The following AKAP13 variants were observed in gnomAD, a reference collection of about 807,000 sequenced individuals.
AKAP13 encodes A-kinase anchoring protein 13.
In AKAP13, 80 loss-of-function variants were observed where a neutral mutation model predicts 264.5. The observed-to-expected ratio is 0.30, with a 90% CI of 0.25 to 0.36. The LOEUF (loss-of-function observed/expected upper bound fraction) is 0.36. Ranked by LOEUF, AKAP13 falls within the 10% of genes least tolerant of loss-of-function variation. The pLI is 1.00. For missense variants in AKAP13, 3,712 were observed against 3,435.2 expected (o/e 1.08, Z -2.01); for synonymous variants, 1,380 against 1,250.2 (o/e 1.10, Z -2.19).
chr15:85,671,559 G>A (rs776852592), intron 14 of AKAP13, among the ~76,000 whole-genome samples: 5 of 151,108 alleles, frequency 3.3e-5, no homozygotes, highest in Non-Finnish European at 7.4e-5. Context: ...GACAAAAGGT[G>A]TCTAACGGAG....
chr15:85,561,592 A>G (rs993742025), intron 5 of AKAP13, among the ~76,000 whole-genome samples: 1 of 152,204 alleles, frequency 6.6e-6, no homozygotes, highest in African/African-American at 2.4e-5. Context: ...ATTTTTACTA[A>G]TCTTGTGAAT....
At chr15:85,647,604 A>G (rs1300706907) in intron 10 of AKAP13, among the ~76,000 whole-genome samples, 1 of 151,906 alleles carries the variant, frequency 6.6e-6, no homozygotes, top group Non-Finnish European at 1.5e-5. Flanking sequence ...AAGGATTTCT[A>G]TCATTGTCAC....
chr15:85,691,925 G>A, intron 16 of AKAP13: 1 of 467,462 alleles, frequency 2.1e-6, no homozygotes, highest in South Asian at 1.5e-5. Flanking sequence ...TGCTTTTCCT[G>A]CCTTCCTGCA....
chr15:85,412,635 C>G (rs764177324), intron 1 of AKAP13, among the ~76,000 whole-genome samples: 24 of 152,098 alleles, frequency 1.6e-4, no homozygotes, highest in Non-Finnish European at 2.9e-4. Flanking sequence ...AACAAAAGCT[C>G]TTTGGGATTC....
intron 14 of AKAP13, among the ~76,000 whole-genome samples, chr15:85,673,282 G>T (rs561459188): frequency 9.2e-5 from 14 of 152,296 alleles, no homozygotes; most frequent in African/African-American, 2.6e-4. Flanking sequence ...TCACTTTCTG[G>T]GGTGGAGAGT....
At chr15:85,685,806 T>G (rs1273604999) in intron 16 of AKAP13, among the ~76,000 whole-genome samples, 1 of 152,178 alleles carries the variant, frequency 6.6e-6, no homozygotes, top group East Asian at 1.9e-4. Context: ...TTTTATCTAA[T>G]TATTTTTCAC....
chr15:85,593,933 G>A (rs1037696550), intron 8 of AKAP13, among the ~76,000 whole-genome samples: 5 of 152,086 alleles, frequency 3.3e-5, no homozygotes, highest in Non-Finnish European at 5.9e-5. Context: ...TTTATTTAGA[G>A]GCTGTTTCCT....
chr15:85,613,452 C>T (rs1011207787), intron 8 of AKAP13, among the ~76,000 whole-genome samples: 4 of 151,834 alleles, frequency 2.6e-5, no homozygotes, highest in East Asian at 1.9e-4. Flanking sequence ...GAGTCCAAGG[C>T]GGGTGGATCA....
rs572624305 is a variant in AKAP13 at position 85,712,190 on chromosome 15, A to G, written c.5599+1545A>G. On this transcript the variant is annotated intron_variant, in intron 19 of 36. Coordinates refer to ENST00000394518, the MANE Select transcript of AKAP13 (RefSeq NM_007200.5). ...TTCTGATGCCCACTCAAGCTTGAAA[A>G]CCGCTCCTTTATGCCCAGTTTCTCT... 4.0e-5 allele frequency among the ~76,000 whole-genome samples: 6 copies of G among 151,886 alleles called. No individual in the cohort carries two copies. The South Asian group carries it at 1.3e-3, about 32-fold the overall frequency.
chr15:85,400,690 AG>A (rs1039932627), intron 1 of AKAP13, among the ~76,000 whole-genome samples: 29 of 152,152 alleles, frequency 1.9e-4, no homozygotes, highest in African/African-American at 6.5e-4. Flanking sequence ...TTGTATAGGA[AG>A]TTGTAAGTCA....
chr15:85,693,332 A>T lies in AKAP13; in HGVS notation c.5345A>T (p.Lys1782Met). 1 of 1,612,762 alleles carries T rather than the reference A, an allele frequency of 6.2e-7. No individual in the cohort carries two copies. Among genetic ancestry groups the T allele is most frequent in the Non-Finnish European group, 8.5e-7 (1 of 1,179,718 alleles). The change falls in exon 17 of 37, where the codon AAG becomes ATG. Residue 1782 changes from lysine to methionine, a missense_variant. Lys to Met is a moderately conservative substitution (Grantham distance 95). Coordinates refer to ENST00000394518, the MANE Select transcript of AKAP13 (RefSeq NM_007200.5). Reference sequence around the variant, plus strand: ...GAGAAGGAGAAAGATTCTAAAGACAAGGAGAAAGATAAGAAGACTGTCAAC... The same window carrying T: ...GAGAAGGAGAAAGATTCTAAAGACATGGAGAAAGATAAGAAGACTGTCAAC... The part of the protein sequence containing the change: ...IKEKEKDSKD[K>M]EKDKKTVNGH...
chr15:85,732,075 T>C (rs888851227), intron 30 of AKAP13, among the ~76,000 whole-genome samples: 2 of 111,644 alleles, frequency 1.8e-5, no homozygotes, highest in African/African-American at 7.3e-5. Context: ...AGAGCGAGAC[T>C]ATCTCAAAAA....
chr15:85,681,029 C>G (rs338508), intron 14 of AKAP13, among the ~76,000 whole-genome samples: 129,784 of 152,104 alleles, frequency 0.85, 55,419 homozygotes, highest in East Asian at 0.95. Flanking sequence ...TGTTGGTCAG[C>G]CTGGTCTTAA....
chr15:85,440,101 C>G (rs936711541), intron 1 of AKAP13, among the ~76,000 whole-genome samples: 11 of 151,912 alleles, frequency 7.2e-5, no homozygotes, highest in African/African-American at 2.7e-4. Context: ...TGTTCTGTGC[C>G]CACCCTTTAT....
chr15:85,399,527 A>AAAAAAT (rs1567038675), intron 1 of AKAP13, among the ~76,000 whole-genome samples: 51 of 114,750 alleles, frequency 4.4e-4, no homozygotes, highest in Non-Finnish European at 6.3e-4. Flanking sequence ...AAAAAATAAA[A>AAAAAAT]AAATAAAAAA....
At chr15:85,679,284 A>T (rs2084448582) in intron 14 of AKAP13, among the ~76,000 whole-genome samples, 1 of 152,126 alleles carries the variant, frequency 6.6e-6, no homozygotes. Flanking sequence ...CTAATACAGA[A>T]TTATGATCCT....
chr15:85,533,467 G>T, intron 3 of AKAP13, 117 bp from the exon 4 acceptor site: 1 of 922,620 alleles, frequency 1.1e-6, no homozygotes, highest in Non-Finnish European at 1.5e-6. Context: ...GAAGGAGGGG[G>T]TGTTTTTTAG....
chr15:85,696,982 T>A (rs1027973737), intron 17 of AKAP13, among the ~76,000 whole-genome samples: 1 of 152,138 alleles, frequency 6.6e-6, no homozygotes, highest in South Asian at 2.1e-4. Context: ...AATTGATGAA[T>A]CTGGAGTCCA....
intron 14 of AKAP13, among the ~76,000 whole-genome samples, chr15:85,670,354 A>G (rs1221353559): frequency 6.6e-6 from 1 of 151,874 alleles, no homozygotes; most frequent in Non-Finnish European, 1.5e-5. Context: ...ATATTGTCTT[A>G]TATTACCATA....
Sources: allele counts gnomAD v4.1 joint callset (sites outside exome capture counted in the v4.1 genomes callset), GRCh38; gene constraint gnomAD v4.1.1; transcripts MANE v1.5; gene names NCBI Gene and HGNC (gene_info 2026-07-23, HGNC 2026-07-21).